WDFY4: variants seen among roughly 807,000 people sequenced by gnomAD.
WDFY4 encodes the protein WDFY family member 4.
Under a neutral mutation model 351.9 loss-of-function variants are expected in WDFY4, and 169 were observed. The ratio of observed to expected loss-of-function variants is 0.48; its 90% confidence interval spans 0.42 to 0.55. WDFY4 has a LOEUF of 0.55. Ranked by LOEUF, WDFY4 falls within the 20% of genes least tolerant of loss-of-function variation. The pLI is 0.00. For missense variants in WDFY4, 3,803 were observed against 3,935.6 expected, an observed-to-expected ratio of 0.97 and a Z score of 0.90; for synonymous variants, 1,622 against 1,574.6, an observed-to-expected ratio of 1.03 and a Z score of -0.71.
At chr10:48,797,693 T>C (rs1641973347) in intron 24 of WDFY4, among the ~76,000 whole-genome samples, 1 of 152,240 alleles carries the variant, frequency 6.6e-6, no homozygotes, top group South Asian at 2.1e-4. Context: ...AATTTTTAGA[T>C]TCTTTCTATA....
At chr10:48,865,894 C>A (rs989896949) in intron 39 of WDFY4, among the ~76,000 whole-genome samples, 1 of 151,866 alleles carries the variant, frequency 6.6e-6, no homozygotes, top group African/African-American at 2.4e-5. Context: ...TTTTTATAAT[C>A]TTTTGAAAAA....
chr10:48,770,671 T>G (rs1475454633), intron 13 of WDFY4, among the ~76,000 whole-genome samples: 2 of 151,922 alleles, frequency 1.3e-5, no homozygotes, highest in Non-Finnish European at 2.9e-5. Flanking sequence ...GGGAAGGGAG[T>G]CAAGGACTTC....
At chr10:48,938,722 G>A (rs1316787443) in intron 47 of WDFY4, among the ~76,000 whole-genome samples, 2 of 152,198 alleles carry the variant, frequency 1.3e-5, no homozygotes, top group Non-Finnish European at 1.5e-5. Flanking sequence ...GTCTGGGGGG[G>A]TAAAGGACAG....
intron 13 of WDFY4, among the ~76,000 whole-genome samples, chr10:48,764,905 G>C (rs1392833218): frequency 6.6e-6 from 1 of 152,242 alleles, no homozygotes; most frequent in African/African-American, 2.4e-5. Context: ...TGGGACACAG[G>C]AGAGGGAAAG....
intron 39 of WDFY4, among the ~76,000 whole-genome samples, chr10:48,843,254 A>G (rs977378484): frequency 1.3e-5 from 2 of 152,152 alleles, no homozygotes; most frequent in African/African-American, 2.4e-5. Context: ...CTCCTCTATA[A>G]TGACTTACTT....
rs542403421 is a variant in WDFY4 at position 48,925,680 on chromosome 10, C to T, written c.7587-16126C>T. Among the ~76,000 whole-genome samples, 7 of 152,218 alleles carry T rather than the reference C, an allele frequency of 4.6e-5. No individual in the cohort carries two copies. In the East Asian group the frequency reaches 1.4e-3, roughly 29 times the overall value. ...GATGGTGCAGCTCACAGCAGTAGCT[C>T]CACCACACTCTGAGCAGAGCTGATG... On this transcript the variant is annotated intron_variant, in intron 47 of 61. Coordinates refer to ENST00000325239, the MANE Select transcript of WDFY4 (RefSeq NM_001394531.1).
chr10:48,916,717 A>G (rs985613947), intron 47 of WDFY4, among the ~76,000 whole-genome samples: 10 of 152,220 alleles, frequency 6.6e-5, no homozygotes, highest in African/African-American at 1.9e-4. Context: ...AAAGTTGTAT[A>G]GCAACTCTGA....
In WDFY4 at chr10:48,982,797, G is replaced by A; in HGVS notation, c.*222G>A. 1.7e-6 allele frequency: 1 copy of A among 588,646 alleles called. No homozygotes were observed. Among genetic ancestry groups the A allele is most frequent in the Non-Finnish European group, 3.3e-6 (1 of 303,868 alleles). 36.5% of individuals were successfully genotyped at this position (588,646 alleles called of 1,614,324 possible). A position where few individuals can be genotyped will look rare whatever the true frequency, so the allele number is the denominator to read the frequency against. On this transcript the variant is annotated 3_prime_UTR_variant, in exon 62 of 62. Coordinates refer to ENST00000325239, the MANE Select transcript of WDFY4 (RefSeq NM_001394531.1). ...GCACACACACTCGGAGGGCTGAGCA[G>A]CACGCTGGAAACTGTGACTTGGTGA...
At chr10:48,806,878 G>T (rs1184504848) in intron 27 of WDFY4, among the ~76,000 whole-genome samples, 1 of 152,192 alleles carries the variant, frequency 6.6e-6, no homozygotes, top group Non-Finnish European at 1.5e-5. Context: ...CGTTTTAAGT[G>T]CTCACTAGCT....
intron 51 of WDFY4, among the ~76,000 whole-genome samples, chr10:48,949,252 C>T (rs912668203): frequency 6.6e-6 from 1 of 152,222 alleles, no homozygotes; most frequent in African/African-American, 2.4e-5. Flanking sequence ...CACTTTCTTA[C>T]TTTTAAATGA....
intron 39 of WDFY4, among the ~76,000 whole-genome samples, chr10:48,840,680 G>C (rs1388913148): frequency 6.6e-6 from 1 of 152,148 alleles, no homozygotes; most frequent in Admixed American, 6.5e-5. Context: ...CTACAGCCCA[G>C]ATTTTGAAAA....
chr10:48,974,368 G>A (rs756064122), intron 57 of WDFY4, among the ~76,000 whole-genome samples: 12 of 151,804 alleles, frequency 7.9e-5, no homozygotes, highest in Non-Finnish European at 1.5e-5. Context: ...GCCAGGCATG[G>A]TGGCAGGCAC....
intron 1 of WDFY4, among the ~76,000 whole-genome samples, chr10:48,689,508 A>G (rs948218683): frequency 6.6e-6 from 1 of 152,248 alleles, no homozygotes; most frequent in Non-Finnish European, 1.5e-5. Flanking sequence ...TATTTTGGAT[A>G]TATTGGGTTA....
intron 12 of WDFY4, among the ~76,000 whole-genome samples, chr10:48,757,214 T>C (rs1052573883): frequency 1.3e-5 from 2 of 152,114 alleles, no homozygotes; most frequent in Non-Finnish European, 2.9e-5. Flanking sequence ...AAGGAACAAT[T>C]ACTGAGAGGA....
At chr10:48,853,619 T>A (rs1317750553) in intron 39 of WDFY4, among the ~76,000 whole-genome samples, 1 of 152,216 alleles carries the variant, frequency 6.6e-6, no homozygotes, top group African/African-American at 2.4e-5. Context: ...ACAGTTGGTA[T>A]AAGGTATCAA....
At chr10:48,950,830 G>A (rs1418996479) in intron 51 of WDFY4, among the ~76,000 whole-genome samples, 1 of 152,248 alleles carries the variant, frequency 6.6e-6, no homozygotes, top group Non-Finnish European at 1.5e-5. Flanking sequence ...CAGCAGGCAT[G>A]CAGTGTGCTG....
chr10:48,930,587 C>T (rs1337812946), intron 47 of WDFY4, among the ~76,000 whole-genome samples: 1 of 152,038 alleles, frequency 6.6e-6, no homozygotes, highest in African/African-American at 2.4e-5. Context: ...TGGGACTAGG[C>T]TATGGAGAAC....
At chr10:48,823,561 C>T (rs1301680845) in intron 35 of WDFY4, 48 of 1,069,564 alleles carry the variant, frequency 4.5e-5, no homozygotes, top group Non-Finnish European at 5.3e-5. Context: ...CCTGGAAAGA[C>T]TTGAATTCAA....
intron 35 of WDFY4, among the ~76,000 whole-genome samples, chr10:48,826,110 T>C (rs36177840): frequency 1.3e-5 from 2 of 152,250 alleles, no homozygotes; most frequent in African/African-American, 2.4e-5. Context: ...AAGTCTTTAA[T>C]CCATCTTGAG....
Sources: allele counts gnomAD v4.1 joint callset (sites outside exome capture counted in the v4.1 genomes callset), GRCh38; gene constraint gnomAD v4.1.1; transcripts MANE v1.5; gene names NCBI Gene and HGNC (gene_info 2026-07-23, HGNC 2026-07-21).